NRG1: variants seen among roughly 807,000 people sequenced by gnomAD.
The protein encoded by NRG1 is pro-neuregulin-1, membrane-bound isoform.
In NRG1, 18 loss-of-function variants were observed where a neutral mutation model predicts 63.8. That is an observed-to-expected ratio of 0.28 (90% confidence interval 0.19 to 0.42). NRG1 has a LOEUF of 0.42. NRG1 is among the 10% of genes least tolerant of loss of function. The probability of loss-of-function intolerance (pLI) is 1.00; values close to 1 mark genes in which losing one functional copy is unlikely to be tolerated. For synonymous variants in NRG1, 302 were observed against 301.3 expected (o/e 1.00, Z -0.02); for missense variants, 762 against 814.7 (o/e 0.94, Z 0.79).
chr8:32,402,498 C>T (rs868303153), intron 1 of NRG1, among the ~76,000 whole-genome samples: 48 of 152,298 alleles, frequency 3.2e-4, no homozygotes, highest in Middle Eastern at 3.4e-3. Context: ...CCCTGTCCCA[C>T]TCTGTCCCAT....
At chr8:32,417,670 T>C (rs1489979129) in intron 1 of NRG1, among the ~76,000 whole-genome samples, 1 of 150,660 alleles carries the variant, frequency 6.6e-6, no homozygotes, top group African/African-American at 2.4e-5. Flanking sequence ...TTCTTTTTGG[T>C]CTTTTACAGA....
intron 1 of NRG1, among the ~76,000 whole-genome samples, chr8:32,412,464 A>ATG (rs1815230248): frequency 1.7e-5 from 2 of 115,088 alleles, no homozygotes; most frequent in Non-Finnish European, 3.9e-5. Flanking sequence ...ATATATATAT[A>ATG]TATATATATA....
intron 1 of NRG1, among the ~76,000 whole-genome samples, chr8:31,756,434 C>G (rs1043882792): frequency 6.6e-6 from 1 of 152,068 alleles, no homozygotes; most frequent in Non-Finnish European, 1.5e-5. Context: ...CTCCTGGACA[C>G]AGCTTTTTCC....
intron 5 of NRG1, among the ~76,000 whole-genome samples, chr8:32,725,142 G>A (rs528276472): frequency 1.3e-5 from 2 of 152,078 alleles, no homozygotes; most frequent in South Asian, 2.1e-4. Flanking sequence ...CTACATTTGG[G>A]GGGGAGTTGG....
chr8:32,685,567 T>C (rs1393987263), intron 5 of NRG1, among the ~76,000 whole-genome samples: 2 of 152,234 alleles, frequency 1.3e-5, no homozygotes, highest in African/African-American at 2.4e-5. Context: ...AACAACGTAA[T>C]AGATTCCTAG....
At chr8:31,953,192 T>C (rs887366022) in intron 1 of NRG1, among the ~76,000 whole-genome samples, 1 of 152,168 alleles carries the variant, frequency 6.6e-6, no homozygotes, top group Non-Finnish European at 1.5e-5. Context: ...TAGATATGCA[T>C]ACTGAAGTAT....
rs201670016 is a variant in NRG1, at chr8:32,478,224, C to A, written c.38-117604C>A. Among the ~76,000 whole-genome samples, 18 of 152,070 alleles carry A rather than the reference C, an allele frequency of 1.2e-4. No homozygotes were observed. In the East Asian group the frequency reaches 3.5e-3, roughly 30 times the overall value. On this transcript the variant is annotated intron_variant, in intron 1 of 10. Transcript: ENST00000519301. ...ATGAGCTGCCAGGCTAGAATTGGCC[C>A]TTAAGCAGGGAGGCATTTGCCCAGT...
chr8:32,061,120 T>A (rs890171288), intron 1 of NRG1, among the ~76,000 whole-genome samples: 1 of 152,010 alleles, frequency 6.6e-6, no homozygotes, highest in Admixed American at 6.6e-5. Context: ...ATTTAACATA[T>A]AAATATTTAG....
chr8:32,585,875 C>T lies in NRG1; in HGVS notation c.101-9953C>T, dbSNP rs373182740. 8.8e-4 allele frequency among the ~76,000 whole-genome samples: 134 copies of T among 152,206 alleles called. 1 individual carries two copies. Among genetic ancestry groups the T allele is most frequent in the African/African-American group, 3.0e-3 (123 of 41,540 alleles). ...AGATCATTAAATAAAATCTTTAGCA[C>T]ATTGTCTGGTAGTTAAGAGCCAGGG... is the stretch of plus-strand genomic sequence containing the variant. On this transcript the variant is annotated intron_variant, in intron 1 of 11. Transcript: ENST00000356819.
chr8:32,285,546 T>C (rs1000132419), intron 1 of NRG1, among the ~76,000 whole-genome samples: 6 of 152,226 alleles, frequency 3.9e-5, no homozygotes, highest in African/African-American at 1.2e-4. Context: ...CTCAGTCTAG[T>C]GCTCCTTTCC....
chr8:32,090,935 C>T (rs1168519698), intron 1 of NRG1, among the ~76,000 whole-genome samples: 1 of 152,132 alleles, frequency 6.6e-6, no homozygotes, highest in Non-Finnish European at 1.5e-5. Flanking sequence ...CAAGTAATTC[C>T]ATTTTCATGC....
chr8:31,725,212 C>T (rs1377056861), intron 1 of NRG1, among the ~76,000 whole-genome samples: 2 of 152,220 alleles, frequency 1.3e-5, no homozygotes, highest in East Asian at 3.9e-4. Context: ...GAAACAGTTC[C>T]AAGTATAAAG....
intron 1 of NRG1, among the ~76,000 whole-genome samples, chr8:31,689,374 G>A (rs1285886757): frequency 4.6e-5 from 7 of 152,336 alleles, no homozygotes; most frequent in African/African-American, 1.7e-4. Flanking sequence ...AATGAGAGAA[G>A]AGAAACATCC....
chr8:31,905,732 C>G (rs1230734035), intron 1 of NRG1, among the ~76,000 whole-genome samples: 1 of 152,074 alleles, frequency 6.6e-6, no homozygotes, highest in Non-Finnish European at 1.5e-5. Flanking sequence ...AGTTAAGATG[C>G]TTGACATTAA....
At chr8:32,745,371 T>C (rs1827224324) in intron 7 of NRG1, among the ~76,000 whole-genome samples, 1 of 152,120 alleles carries the variant, frequency 6.6e-6, no homozygotes, top group African/African-American at 2.4e-5. Context: ...AAAATAACAT[T>C]CTAAAGAATA....
At chr8:32,276,389 A>C (rs754173739) in intron 1 of NRG1, among the ~76,000 whole-genome samples, 34 of 152,270 alleles carry the variant, frequency 2.2e-4, no homozygotes, top group African/African-American at 7.2e-4. Context: ...ATTCTTTTTT[A>C]CAGCTGAATA....
intron 1 of NRG1, among the ~76,000 whole-genome samples, chr8:32,334,944 T>C (rs949032224): frequency 1.3e-5 from 2 of 152,200 alleles, no homozygotes; most frequent in Admixed American, 1.3e-4. Flanking sequence ...AATGCCACTT[T>C]CTTTGGTGGT....
intron 1 of NRG1, among the ~76,000 whole-genome samples, chr8:32,414,276 CCAG>C (rs980909000): frequency 3.3e-5 from 5 of 152,116 alleles, no homozygotes; most frequent in African/African-American, 1.2e-4. Flanking sequence ...AGCTGAGATG[CCAG>C]GAAAAACACA....
At chr8:32,739,226 T>C (rs1343656353) in intron 6 of NRG1, among the ~76,000 whole-genome samples, 2 of 152,174 alleles carry the variant, frequency 1.3e-5, no homozygotes, top group Non-Finnish European at 2.9e-5. Flanking sequence ...ACCTTACGTC[T>C]TGAACTTTAA....
Sources: allele counts gnomAD v4.1 joint callset (sites outside exome capture counted in the v4.1 genomes callset), GRCh38; gene constraint gnomAD v4.1.1; transcripts MANE v1.5; gene names NCBI Gene and HGNC (gene_info 2026-07-23, HGNC 2026-07-21).